RSF1: variants seen among roughly 807,000 people sequenced by gnomAD.
RSF1 encodes HBV pX-associated protein 8.
In RSF1, 13 loss-of-function variants were observed where a neutral mutation model predicts 145.2. The ratio of observed to expected loss-of-function variants is 0.09; its 90% CI spans 0.06 to 0.14. The LOEUF is 0.14. Ranked by LOEUF, RSF1 falls within the 10% of genes least tolerant of loss-of-function variation. RSF1 has a pLI of 1.00. For missense variants in RSF1, 1,517 were observed against 1,718.2 expected, an observed-to-expected ratio of 0.88 and a Z score of 2.07; for synonymous variants, 577 against 592.6, an observed-to-expected ratio of 0.97 and a Z score of 0.38.
chr11:77,706,029 G>A (rs1329063483), intron 5 of RSF1, among the ~76,000 whole-genome samples: 1 of 152,036 alleles, frequency 6.6e-6, no homozygotes, highest in Non-Finnish European at 1.5e-5. Context: ...ACTTTGGGAG[G>A]CTAAGGTGGG....
chr11:77,812,386 C>T (rs1322962116), intron 1 of RSF1, among the ~76,000 whole-genome samples: 1 of 152,102 alleles, frequency 6.6e-6, no homozygotes, highest in Non-Finnish European at 1.5e-5. Context: ...TAAACATGTA[C>T]AAATACTGGA....
chr11:77,871,153 A>G, the RSF1 span, among the ~76,000 whole-genome samples: 3 of 152,206 alleles, frequency 2.0e-5, no homozygotes, highest in Non-Finnish European at 4.4e-5. Context: ...CATTACAATA[A>G]TTCCTATCTG....
intron 1 of RSF1, among the ~76,000 whole-genome samples, chr11:77,774,988 G>A (rs1488878046): frequency 6.6e-6 from 1 of 150,818 alleles, no homozygotes; most frequent in African/African-American, 2.4e-5. Context: ...GGCTGGTCTC[G>A]AATCCTGACC....
intron 11 of RSF1, 78 bp from the exon 12 acceptor site, chr11:77,678,231 T>C: frequency 9.7e-6 from 8 of 828,064 alleles, no homozygotes; most frequent in Non-Finnish European, 1.7e-6. Flanking sequence ...TATTTATTTA[T>C]TTTTGAGACG....
intron 11 of RSF1, 133 bp from the exon 12 acceptor site, chr11:77,678,286 G>A (rs1449295565): frequency 2.3e-5 from 10 of 434,226 alleles, no homozygotes; most frequent in South Asian, 5.6e-5. Flanking sequence ...GCGCCATCTC[G>A]GCTCACTGCA....
intron 5 of RSF1, among the ~76,000 whole-genome samples, chr11:77,709,266 C>T (rs2135864332): frequency 1.3e-5 from 2 of 152,316 alleles, no homozygotes; most frequent in South Asian, 4.1e-4. Flanking sequence ...TATTTTCCTT[C>T]CACACCTCCT....
intron 4 of RSF1, among the ~76,000 whole-genome samples, chr11:77,729,509 T>C (rs575812953): frequency 1.3e-5 from 2 of 151,594 alleles, no homozygotes; most frequent in Non-Finnish European, 2.9e-5. Context: ...GAGTTTGAAT[T>C]AGTGGTAGGT....
intron 4 of RSF1, among the ~76,000 whole-genome samples, chr11:77,735,923 G>A (rs906843175): frequency 6.6e-6 from 1 of 152,172 alleles, no homozygotes; most frequent in African/African-American, 2.4e-5. Flanking sequence ...ATTTTTAGTA[G>A]AGACGGAGTT....
Position 77,746,348 on chromosome 11 carries a change from C to A in RSF1, c.372+688G>T, listed in dbSNP as rs146273399. 8.5e-5 allele frequency among the ~76,000 whole-genome samples: 13 copies of A among 152,256 alleles called. No homozygotes were observed. In the East Asian group the frequency reaches 2.5e-3, roughly 29 times the overall value. On this transcript the variant is annotated intron_variant, in intron 3 of 15. Coordinates refer to ENST00000308488, the MANE Select transcript of RSF1 (RefSeq NM_016578.4). ...ACATCTAACAGCAAAATAACACCTA[C>A]TCTATAGTCTTATCTAGCTCCAAAA...
intron 5 of RSF1, among the ~76,000 whole-genome samples, chr11:77,705,747 G>A (rs1960533231): frequency 6.6e-6 from 1 of 152,004 alleles, no homozygotes; most frequent in Non-Finnish European, 1.5e-5. Flanking sequence ...AGAAGGAGCT[G>A]TGGTCCCAGC....
intron 5 of RSF1, among the ~76,000 whole-genome samples, chr11:77,714,817 G>A (rs893383542): frequency 3.9e-5 from 6 of 151,954 alleles, no homozygotes; most frequent in Non-Finnish European, 5.9e-5. Context: ...ACTCTAGCCT[G>A]GAGACAGAGC....
At chr11:77,727,233 C>T (rs551559260) in intron 4 of RSF1, among the ~76,000 whole-genome samples, 2 of 152,178 alleles carry the variant, frequency 1.3e-5, no homozygotes, top group Non-Finnish European at 2.9e-5. Flanking sequence ...TTCATTACAA[C>T]CTGCTTCTAA....
chr11:77,774,582 AAAT>A (rs1948321615), intron 1 of RSF1, among the ~76,000 whole-genome samples: 1 of 107,904 alleles, frequency 9.3e-6, no homozygotes, highest in Non-Finnish European at 1.9e-5. Flanking sequence ...AAAAATAAAT[AAAT>A]AAATAAATAA....
intron 4 of RSF1, chr11:77,735,098 G>C: frequency 1.0e-5 from 9 of 868,520 alleles, no homozygotes; most frequent in Non-Finnish European, 1.5e-5. Context: ...GGGGCCTTGG[G>C]GCGGTCTGAG....
intron 1 of RSF1, among the ~76,000 whole-genome samples, chr11:77,807,070 AAAG>A (rs1207388812): frequency 6.6e-6 from 1 of 152,242 alleles, no homozygotes; most frequent in East Asian, 1.9e-4. Context: ...TTTTTACTTT[AAAG>A]AAGGGAAAAA....
chr11:77,694,045 A>C (rs947974561), intron 7 of RSF1, among the ~76,000 whole-genome samples: 1 of 152,138 alleles, frequency 6.6e-6, no homozygotes, highest in South Asian at 2.1e-4. Context: ...GGCCTCCCAA[A>C]GTGCTGGGAT....
At chr11:77,859,215 A>C in the RSF1 span, among the ~76,000 whole-genome samples, 1 of 152,168 alleles carries the variant, frequency 6.6e-6, no homozygotes, top group Non-Finnish European at 1.5e-5. Flanking sequence ...GGTTTCCCAG[A>C]GGGGATTACC....
At position 77,667,240 on chromosome 11, in the gene RSF1, C is replaced by G. The variant is rs1959386692; in HGVS notation, c.4003G>C (p.Glu1335Gln). 1 of 1,614,204 alleles carries G rather than the reference C, an allele frequency of 6.2e-7. No homozygotes were observed. Among genetic ancestry groups the G allele is most frequent in the Non-Finnish European group, 8.5e-7 (1 of 1,180,032 alleles). Residue 1335 changes from glutamate to glutamine, a missense_variant, in exon 16 of 16, where the codon GAG becomes CAG. Glu to Gln is a conservative substitution (Grantham distance 29). Around this residue, in one of 12 missense-constraint regions of RSF1, gnomAD observed 240 missense variants for 231.8 expected, o/e 1.04. Transcript: ENST00000308488. ...ATCCGGTAGGGCTTCTTGGTGCTCT[C>G]TTGTTCTGAGGGCAGGACCCTAGGC... is the stretch of plus-strand genomic sequence containing the variant. ...SQPRVLPSEQ[E>Q]STKKPYRIES... is the part of the protein sequence containing the mutation.
the RSF1 span, among the ~76,000 whole-genome samples, chr11:77,834,165 A>G: frequency 6.6e-6 from 1 of 152,232 alleles, no homozygotes; most frequent in South Asian, 2.1e-4. Flanking sequence ...AAGATTATAA[A>G]TACTAATTCA....
Sources: allele counts gnomAD v4.1 joint callset (sites outside exome capture counted in the v4.1 genomes callset), GRCh38; gene constraint gnomAD v4.1.1; regional missense constraint gnomAD v4.1.1; transcripts MANE v1.5; gene names NCBI Gene and HGNC (gene_info 2026-07-23, HGNC 2026-07-21).